The following MEX3C variants were observed in gnomAD, a reference collection of about 807,000 sequenced individuals.
MEX3C encodes RNA-binding E3 ubiquitin-protein ligase MEX3C.
In MEX3C, 15 loss-of-function variants were observed where a neutral mutation model predicts 35.5. That is an observed-to-expected ratio of 0.42 (90% CI 0.28 to 0.65). MEX3C has a LOEUF of 0.65. MEX3C is among the 30% of genes least tolerant of loss of function. MEX3C has a pLI of 0.20. For synonymous variants in MEX3C, 390 were observed against 352.8 expected, an observed-to-expected ratio of 1.11 and a Z score of -1.18; for missense variants, 711 against 842.8, an observed-to-expected ratio of 0.84 and a Z score of 1.94.
At position 51,196,560 on chromosome 18, in the gene MEX3C, C is replaced by G; in HGVS notation, c.754+7G>C. 1 of 1,574,808 alleles carries G rather than the reference C, an allele frequency of 6.3e-7. No individual in the cohort carries two copies. Among genetic ancestry groups the G allele is most frequent in the South Asian group, 1.2e-5 (1 of 86,918 alleles). On this transcript the variant is annotated splice_region_variant and intron_variant, in intron 1 of 1. Coordinates refer to ENST00000406189, the MANE Select transcript of MEX3C (RefSeq NM_016626.5). The stretch of plus-strand genomic sequence containing the variant: ...GCCCAGCTGGACCTCCCCACCCCTG[C>G]ACTCACCCTGGCGGCCGACGATCTC...
At chr18:51,194,626 A>G (rs1912732894) in intron 1 of MEX3C, 1 of 152,232 alleles carries the variant, frequency 6.6e-6, no homozygotes, top group Non-Finnish European at 1.5e-5. Flanking sequence ...CTAAATCTAT[A>G]AAATATGTTA....
intron 1 of MEX3C, among the ~76,000 whole-genome samples, chr18:51,181,582 G>T (rs2144550348): frequency 6.6e-6 from 1 of 152,312 alleles, no homozygotes; most frequent in Non-Finnish European, 1.5e-5. Flanking sequence ...AGCTATCACA[G>T]TTATAAGCCC....
chr18:51,176,693 A>G lies in MEX3C; in HGVS notation c.1638T>C (p.Pro546=). ...GSQPSTPRLS[P]TFPESIEHPL... is the part of the protein sequence containing the mutation. ...GATGTTCTATGCTCTCAGGAAATGT[A>G]GGAGACAGACGAGGAGTAGATGGCT... Residue 546 remains proline, a synonymous_variant, in exon 2 of 2, where the codon CCT becomes CCC. Transcript: ENST00000406189. 1 of 1,614,026 alleles carries G rather than the reference A, an allele frequency of 6.2e-7. No homozygotes were observed. The highest frequency in any genetic ancestry group is 8.5e-7 in the Non-Finnish European group (1 of 1,179,892).
chr18:51,176,330 T>A lies in MEX3C; in HGVS notation c.*21A>T. ...TTTACGAGTCCATATAGAGATATAGTATTTATGTATATATATATAGTTAAG... is the reference window on the plus strand; with the variant it reads ...TTTACGAGTCCATATAGAGATATAGAATTTATGTATATATATATAGTTAAG... On this transcript the variant is annotated 3_prime_UTR_variant, in exon 2 of 2. Coordinates refer to ENST00000406189, the MANE Select transcript of MEX3C (RefSeq NM_016626.5). The A allele has an allele frequency of 2.5e-6, 4 of 1,575,908 alleles. No individual in the cohort carries two copies. Among genetic ancestry groups the A allele is most frequent in the Non-Finnish European group, 3.4e-6 (4 of 1,160,652 alleles).
rs1167745411 is a variant in MEX3C, at chr18:51,175,922, G to A, written c.*429C>T. On this transcript the variant is annotated 3_prime_UTR_variant, in exon 2 of 2. Transcript: ENST00000406189. ...GTTTTGTCAAAACTGGCAGTGTAAA[G>A]AAGGCAGCACTGGAAGTGTATGAAT... The A allele has an allele frequency of 6.4e-6, 1 of 155,426 alleles. No individual in the cohort carries two copies. Among genetic ancestry groups the A allele is most frequent in the African/African-American group, 2.4e-5 (1 of 41,540 alleles). 9.6% of individuals were successfully genotyped at this position (155,426 alleles called of 1,614,324 possible).
rs553955500 is a variant in MEX3C at position 51,197,237 on chromosome 18, T to TGGC, written c.81_83dup (p.Pro31dup). The TGGC allele has an allele frequency of 4.4e-4, 429 of 981,198 alleles. No individual in the cohort carries two copies. The highest frequency in any genetic ancestry group is 9.1e-4 in the East Asian group (8 of 8,816). 60.8% of individuals were successfully genotyped at this position (981,198 alleles called of 1,614,324 possible). ...CCGAGGGCGGCGGCAGAGGCGGCGG[T>TGGC]GGCGGCGGCGGCGGCGGGGGCGGCT... On this transcript the variant is annotated inframe_insertion, in exon 1 of 2. Coordinates refer to ENST00000406189, the MANE Select transcript of MEX3C (RefSeq NM_016626.5).
intron 1 of MEX3C, among the ~76,000 whole-genome samples, chr18:51,190,590 T>G (rs145120257): frequency 6.6e-6 from 1 of 152,198 alleles, no homozygotes; most frequent in African/African-American, 2.4e-5. Flanking sequence ...CAATGAGGAA[T>G]TGTAGTCCGT....
intron 1 of MEX3C, among the ~76,000 whole-genome samples, chr18:51,189,468 T>C (rs773898395): frequency 6.6e-6 from 1 of 152,212 alleles, no homozygotes; most frequent in Non-Finnish European, 1.5e-5. Context: ...AGAATATTTC[T>C]AGTGTATTTT....
rs1373304463 is a variant in MEX3C, at chr18:51,197,361, C to A, written c.-41G>T. 2 of 219,570 alleles carry A rather than the reference C, an allele frequency of 9.1e-6. No individual in the cohort carries two copies. Among genetic ancestry groups the A allele is most frequent in the East Asian group, 1.8e-4 (1 of 5,412 alleles). 13.6% of individuals were successfully genotyped at this position (219,570 alleles called of 1,614,324 possible). ...TCAATGGCGGCGGCGGCGGCCGGGTCAGGCGCGGCAGGCGGCGAGCCCCAT... is the reference window on the plus strand; with the variant it reads ...TCAATGGCGGCGGCGGCGGCCGGGTAAGGCGCGGCAGGCGGCGAGCCCCAT... On this transcript the variant is annotated 5_prime_UTR_variant, in exon 1 of 2. An upstream open reading frame in the 5' UTR loses its in-frame stop. Transcript: ENST00000406189.
At position 51,176,543 on chromosome 18, in the gene MEX3C, A is replaced by G. The variant is rs775583999; in HGVS notation, c.1788T>C (p.Ser596=). 4.3e-6 allele frequency: 7 copies of G among 1,613,918 alleles called. No homozygotes were observed. In the African/African-American group the frequency reaches 8.0e-5, roughly 18 times the overall value. Residue 596 remains serine (S), a synonymous_variant, in exon 2 of 2, where the codon TCT becomes TCC. Transcript: ENST00000406189. ...SYSSSNGGST[S]SSPPESRRKH... The stretch of plus-strand genomic sequence containing the variant: ...TTCGTCTTGATTCTGGAGGTGAGCT[A>G]GAGGTGGAACCACCATTGGAAGAGG...
rs190363952 is a variant in MEX3C at position 51,180,340 on chromosome 18, G to A, written c.755-2764C>T. ...TGTATGGTTCATTGGGTACAGAGAA[G>A]ACAAATGGTTTGAGCATGGGCCACT... On this transcript the variant is annotated intron_variant, in intron 1 of 1. Coordinates refer to ENST00000406189, the MANE Select transcript of MEX3C (RefSeq NM_016626.5). Among the ~76,000 whole-genome samples the A allele has an allele frequency of 4.0e-3, 602 of 152,218 alleles. 9 individuals carry two copies. The highest frequency in any genetic ancestry group is 0.014 in the African/African-American group (570 of 41,548).
intron 1 of MEX3C, among the ~76,000 whole-genome samples, chr18:51,187,321 CATT>C (rs1464457138): frequency 4.6e-5 from 7 of 152,134 alleles, no homozygotes; most frequent in African/African-American, 1.7e-4. Flanking sequence ...AGGCACAACT[CATT>C]ATTATAGCTA....
chr18:51,183,260 G>C (rs574243373), intron 1 of MEX3C, among the ~76,000 whole-genome samples: 19 of 152,168 alleles, frequency 1.2e-4, no homozygotes, highest in South Asian at 2.1e-4. Context: ...GATTTTTCAA[G>C]TTTTGTTTTT....
At chr18:51,195,710 A>G (rs62092913) in intron 1 of MEX3C, 54,299 of 152,212 alleles carry the variant, frequency 0.36, 10,819 homozygotes, top group Non-Finnish European at 0.45. Context: ...GAGGTACCCC[A>G]GGCATCCCCT....
At position 51,177,074 on chromosome 18, in the gene MEX3C, G is replaced by A; in HGVS notation, c.1257C>T (p.Gly419=). The change falls in exon 2 of 2, where the codon GGC becomes GGT. Residue 419 remains glycine (G), a synonymous_variant. Transcript: ENST00000406189. This position sits in a 1 kb window ranked among gnomAD's most constrained non-coding sequence, Gnocchi z 4.2. ...YNGTDVSFEG[G]TLGSAWLSSN... The stretch of plus-strand genomic sequence containing the variant: ...AGGAGAGCCACGCAGAGCCAAGAGT[G>A]CCACCTTCAAAGCTTACATCGGTAC... 1 of 1,613,980 alleles carries A rather than the reference G, an allele frequency of 6.2e-7. No homozygotes were observed. The highest frequency in any genetic ancestry group is 8.5e-7 in the Non-Finnish European group (1 of 1,179,904).
chr18:51,183,301 G>C (rs985696481), intron 1 of MEX3C, among the ~76,000 whole-genome samples: 1 of 152,168 alleles, frequency 6.6e-6, no homozygotes, highest in African/African-American at 2.4e-5. Context: ...TTAGATGGCA[G>C]CAAAAAGACC....
intron 1 of MEX3C, among the ~76,000 whole-genome samples, chr18:51,183,931 G>A (rs1329267903): frequency 6.6e-6 from 1 of 152,176 alleles, no homozygotes; most frequent in East Asian, 1.9e-4. Flanking sequence ...TGTCCAGGAG[G>A]TCATGGCTGC....
rs1599261007 is a variant in MEX3C at position 51,197,595 on chromosome 18, C to T, written c.-275G>A. 6.6e-6 allele frequency among the ~76,000 whole-genome samples: 1 copy of T among 151,186 alleles called. No homozygotes were observed. Among genetic ancestry groups the T allele is most frequent in the East Asian group, 2.0e-4 (1 of 5,032 alleles). On this transcript the variant is annotated 5_prime_UTR_variant, in exon 1 of 2. Coordinates refer to ENST00000406189, the MANE Select transcript of MEX3C (RefSeq NM_016626.5). ...GGCTGGTGGAGGTGGCAGCGGCTCC[C>T]CTCTCAGTGTTTCTTTTGTTTCATG...
chr18:51,179,458 T>C (rs977286547), intron 1 of MEX3C, among the ~76,000 whole-genome samples: 1 of 152,176 alleles, frequency 6.6e-6, no homozygotes, highest in Non-Finnish European at 1.5e-5. Flanking sequence ...ATGTTTGAGA[T>C]TTTGGAGTAT....
Sources: gnomAD v4.1 joint callset for allele counts (sites outside exome capture counted in the v4.1 genomes callset) on GRCh38, gnomAD v4.1.1 for gene constraint, Gnocchi (gnomAD v3.1) non-coding constraint, MANE v1.5 for transcripts, NCBI Gene and HGNC (gene_info 2026-07-23, HGNC 2026-07-21) for gene names.